GRM1: variants seen among roughly 807,000 people sequenced by gnomAD.
GRM1 encodes the protein metabotropic glutamate receptor 1.
In GRM1, 33 loss-of-function variants were observed where a neutral mutation model predicts 90.9. The ratio of observed to expected loss-of-function variants is 0.36; its 90% confidence interval spans 0.28 to 0.49. The LOEUF (loss-of-function observed/expected upper bound fraction) is 0.49, where lower values mean the gene tolerates loss of function less well. Ranked by LOEUF, GRM1 falls within the 20% of genes least tolerant of loss-of-function variation. The pLI is 0.99. For missense variants in GRM1, 1,190 were observed against 1,534.3 expected (o/e 0.78, Z 3.75); for synonymous variants, 700 against 613.2 (o/e 1.14, Z -2.09).
chr6:146,181,418 A>G (rs1433639707), intron 2 of GRM1, among the ~76,000 whole-genome samples: 1 of 152,148 alleles, frequency 6.6e-6, no homozygotes, highest in African/African-American at 2.4e-5. Flanking sequence ...TAGGAAGAAA[A>G]CTCAAAATAA....
At chr6:146,153,648 A>G (rs923333427) in intron 1 of GRM1, among the ~76,000 whole-genome samples, 4 of 152,174 alleles carry the variant, frequency 2.6e-5, no homozygotes, top group Admixed American at 2.6e-4. Flanking sequence ...GAAGCGGTGC[A>G]GGGAGGGAGA....
At chr6:146,254,893 A>G (rs1055987198) in intron 2 of GRM1, among the ~76,000 whole-genome samples, 4 of 152,200 alleles carry the variant, frequency 2.6e-5, no homozygotes, top group Non-Finnish European at 2.9e-5. Flanking sequence ...AATGACCAAG[A>G]TATCTGCAGC....
chr6:146,342,944 A>G (rs987823724), intron 3 of GRM1, among the ~76,000 whole-genome samples: 13 of 152,170 alleles, frequency 8.5e-5, no homozygotes, highest in Admixed American at 7.2e-4. Flanking sequence ...ATTATTAACT[A>G]AACTCTATTT....
At chr6:146,346,439 T>G (rs1785193211) in intron 3 of GRM1, among the ~76,000 whole-genome samples, 1 of 152,218 alleles carries the variant, frequency 6.6e-6, no homozygotes, top group South Asian at 2.1e-4. Flanking sequence ...ATAAACTGAA[T>G]AGAAAATAAT....
At chr6:146,116,599 C>G (rs1049542246) in intron 1 of GRM1, among the ~76,000 whole-genome samples, 2 of 151,836 alleles carry the variant, frequency 1.3e-5, no homozygotes, top group African/African-American at 4.8e-5. Context: ...TATATTTTTC[C>G]AGTTTTGTTA....
chr6:146,337,565 A>T (rs1225858120), intron 3 of GRM1, among the ~76,000 whole-genome samples: 1 of 152,146 alleles, frequency 6.6e-6, no homozygotes. Flanking sequence ...CCTGCACACG[A>T]CTTGGCCTTC....
intron 3 of GRM1, among the ~76,000 whole-genome samples, chr6:146,316,654 T>G (rs899218670): frequency 1.3e-5 from 2 of 152,206 alleles, no homozygotes; most frequent in African/African-American, 4.8e-5. Context: ...TGACGACATA[T>G]ATTTCTTGCA....
chr6:146,115,759 G>C (rs1279257261), intron 1 of GRM1, among the ~76,000 whole-genome samples: 1 of 152,072 alleles, frequency 6.6e-6, no homozygotes, highest in Non-Finnish European at 1.5e-5. Context: ...GATTTTGATT[G>C]GATATTCTTG....
chr6:146,244,503 C>G (rs1338747503), intron 2 of GRM1, among the ~76,000 whole-genome samples: 1 of 152,130 alleles, frequency 6.6e-6, no homozygotes, highest in East Asian at 1.9e-4. Context: ...AACCCTCAAA[C>G]ACCTCAGATT....
intron 2 of GRM1, among the ~76,000 whole-genome samples, chr6:146,177,290 C>T (rs989849397): frequency 2.0e-5 from 3 of 152,080 alleles, no homozygotes; most frequent in Admixed American, 6.5e-5. Flanking sequence ...TGACAACTCA[C>T]AGCAGGCTAG....
intron 2 of GRM1, among the ~76,000 whole-genome samples, chr6:146,175,164 C>T (rs1172897303): frequency 2.0e-5 from 3 of 152,192 alleles, no homozygotes; most frequent in South Asian, 2.1e-4. Flanking sequence ...GCAGGATCAT[C>T]TTAGAGGCTG....
chr6:146,279,425 A>G (rs1313369081), intron 2 of GRM1, among the ~76,000 whole-genome samples: 2 of 152,080 alleles, frequency 1.3e-5, no homozygotes, highest in Non-Finnish European at 2.9e-5. Context: ...AAATATTTTT[A>G]TTTATCTTTC....
intron 1 of GRM1, among the ~76,000 whole-genome samples, chr6:146,094,499 T>C (rs1776813914): frequency 6.6e-6 from 1 of 152,170 alleles, no homozygotes; most frequent in African/African-American, 2.4e-5. Flanking sequence ...ATAGGGCGTA[T>C]TACTCGATTT....
intron 5 of GRM1, among the ~76,000 whole-genome samples, chr6:146,378,648 CT>C (rs1472407866): frequency 6.6e-6 from 1 of 152,130 alleles, no homozygotes; most frequent in Non-Finnish European, 1.5e-5. Flanking sequence ...AACTAATTTG[CT>C]TTTGATTTTA....
At chr6:146,053,819 C>T (rs1775386768) in intron 1 of GRM1, among the ~76,000 whole-genome samples, 1 of 152,008 alleles carries the variant, frequency 6.6e-6, no homozygotes, top group South Asian at 2.1e-4. Context: ...TTTGGGACCA[C>T]TATGTACGTG....
At chr6:146,135,586 A>C (rs887019211) in intron 1 of GRM1, among the ~76,000 whole-genome samples, 1 of 152,240 alleles carries the variant, frequency 6.6e-6, no homozygotes, top group Non-Finnish European at 1.5e-5. Flanking sequence ...ACTTGCACAC[A>C]GTCATAGTTA....
intron 2 of GRM1, among the ~76,000 whole-genome samples, chr6:146,287,547 G>A (rs1439745953): frequency 1.3e-5 from 2 of 152,110 alleles, no homozygotes; most frequent in East Asian, 1.9e-4. Context: ...GAGATTTTAT[G>A]TTGGCCTTTT....
At chr6:146,097,379 T>C (rs1346252267) in intron 1 of GRM1, among the ~76,000 whole-genome samples, 2 of 152,168 alleles carry the variant, frequency 1.3e-5, no homozygotes, top group Non-Finnish European at 2.9e-5. Context: ...TAGAAAAATA[T>C]GTATGAAGAT....
chr6:146,114,586 C>T (rs1318893913), intron 1 of GRM1, among the ~76,000 whole-genome samples: 1 of 152,076 alleles, frequency 6.6e-6, no homozygotes, highest in Non-Finnish European at 1.5e-5. Flanking sequence ...CCTTCAAAAT[C>T]ATGGTAAATT....
Sources: gnomAD v4.1 joint callset for allele counts (sites outside exome capture counted in the v4.1 genomes callset) on GRCh38, gnomAD v4.1.1 for gene constraint, MANE v1.5 for transcripts, NCBI Gene and HGNC (gene_info 2026-07-23, HGNC 2026-07-21) for gene names.